The following STRN3 variants were observed in gnomAD, a reference collection of about 807,000 sequenced individuals.
STRN3 encodes striatin-3.
A neutral mutation model predicts 95.6 loss-of-function variants in STRN3; 29 were observed. The observed-to-expected ratio is 0.30, with a 90% CI of 0.23 to 0.41. The LOEUF is 0.41. STRN3 is among the 10% of genes least tolerant of loss of function. STRN3 has a pLI of 1.00. For synonymous variants in STRN3, 331 were observed against 357.6 expected (o/e 0.93, Z 0.84); for missense variants, 890 against 972.1 (o/e 0.92, Z 1.12).
intron 1 of STRN3, among the ~76,000 whole-genome samples, chr14:30,975,776 G>T (rs1419038571): frequency 1.4e-5 from 2 of 145,626 alleles, no homozygotes; most frequent in African/African-American, 5.1e-5. Flanking sequence ...AAGGCTACAA[G>T]TGAGCTATGA....
chr14:30,944,860 G>A (rs991163169), intron 5 of STRN3, among the ~76,000 whole-genome samples: 8 of 151,856 alleles, frequency 5.3e-5, no homozygotes, highest in Non-Finnish European at 1.0e-4. Flanking sequence ...TGATTCACTC[G>A]CCTCAGCTTT....
In STRN3 at chr14:30,895,386, T is replaced by C; in HGVS notation, c.*25A>G. The C allele has an allele frequency of 6.3e-7, 1 of 1,578,910 alleles. No homozygotes were observed. Among genetic ancestry groups the C allele is most frequent in the Non-Finnish European group, 8.6e-7 (1 of 1,161,576 alleles). On this transcript the variant is annotated 3_prime_UTR_variant, in exon 18 of 18. Transcript: ENST00000357479. ...ACCCTCTTTCTGTCCAAGCAAATCTTGTTACGATGCAAGTTTTTGTTGATT... is the reference window on the plus strand; with the variant it reads ...ACCCTCTTTCTGTCCAAGCAAATCTCGTTACGATGCAAGTTTTTGTTGATT...
At chr14:30,914,354 A>G (rs1896682004) in intron 9 of STRN3, among the ~76,000 whole-genome samples, 1 of 151,914 alleles carries the variant, frequency 6.6e-6, no homozygotes, top group Admixed American at 6.6e-5. Flanking sequence ...TTCCAGCTTT[A>G]TTTATTTATT....
intron 1 of STRN3, chr14:31,018,446 A>T: frequency 7.3e-6 from 3 of 411,144 alleles, no homozygotes; most frequent in Non-Finnish European, 1.4e-5. Flanking sequence ...CCTTGTTCCT[A>T]TGACACACCT....
intron 3 of STRN3, among the ~76,000 whole-genome samples, chr14:30,952,731 T>A (rs572868668): frequency 6.6e-6 from 1 of 152,182 alleles, no homozygotes; most frequent in African/African-American, 2.4e-5. Context: ...ACTTATTCTA[T>A]CCCAAACGTA....
At chr14:30,933,342 C>T (rs926198111) in intron 7 of STRN3, among the ~76,000 whole-genome samples, 1 of 135,642 alleles carries the variant, frequency 7.4e-6, no homozygotes, top group Admixed American at 7.7e-5. Context: ...GAAAAGTGTG[C>T]ATTACAAATC....
chr14:30,897,515 G>T (rs1896190566), intron 16 of STRN3, among the ~76,000 whole-genome samples: 2 of 152,170 alleles, frequency 1.3e-5, no homozygotes, highest in African/African-American at 4.8e-5. Context: ...AACCCGGGAG[G>T]TGGAGGCTGC....
intron 15 of STRN3, among the ~76,000 whole-genome samples, chr14:30,902,877 A>G (rs1158229393): frequency 6.6e-6 from 1 of 152,160 alleles, no homozygotes; most frequent in East Asian, 1.9e-4. Context: ...AAAACTGAGA[A>G]GTGTTTTAAT....
intron 1 of STRN3, among the ~76,000 whole-genome samples, chr14:31,006,776 G>T (rs892032993): frequency 3.3e-5 from 5 of 151,954 alleles, no homozygotes. Flanking sequence ...CAAACCTTTT[G>T]AAAGAGACAT....
chr14:30,938,144 T>TA (rs1348801749), intron 5 of STRN3, among the ~76,000 whole-genome samples: 8 of 150,138 alleles, frequency 5.3e-5, no homozygotes, highest in Non-Finnish European at 1.2e-4. Flanking sequence ...ATGTAGAACC[T>TA]ACAGATAGAA....
chr14:30,980,478 G>A (rs1048900961), intron 1 of STRN3, among the ~76,000 whole-genome samples: 1 of 151,634 alleles, frequency 6.6e-6, no homozygotes, highest in Non-Finnish European at 1.5e-5. Flanking sequence ...CACAATCTCA[G>A]CTCACTGCAA....
intron 1 of STRN3, among the ~76,000 whole-genome samples, chr14:30,983,491 G>A (rs1314692200): frequency 6.6e-6 from 1 of 152,228 alleles, no homozygotes; most frequent in African/African-American, 2.4e-5. Context: ...GTTGCAGTGA[G>A]CCGAGATCGT....
chr14:30,899,483 A>G (rs115731233), intron 16 of STRN3, among the ~76,000 whole-genome samples: 2,945 of 152,324 alleles, frequency 0.019, 89 homozygotes, highest in African/African-American at 0.067. Context: ...AGTGGTTCCT[A>G]CACATACAGC....
intron 1 of STRN3, among the ~76,000 whole-genome samples, chr14:31,015,322 A>C (rs1381176016): frequency 6.6e-6 from 1 of 151,442 alleles, no homozygotes; most frequent in Non-Finnish European, 1.5e-5. Context: ...CTTTATACAC[A>C]TAAGCACAAC....
rs139377989 is a variant in STRN3, at chr14:30,935,456, T to C, written c.847-152A>G. Reference sequence around the variant, plus strand: ...TATGTAATTCACAAATCCCAAATTATACTTCAGATAAATGGTTCAACAGTG... The same window carrying C: ...TATGTAATTCACAAATCCCAAATTACACTTCAGATAAATGGTTCAACAGTG... On this transcript the variant is annotated intron_variant, in intron 6 of 17. Coordinates refer to ENST00000357479, the MANE Select transcript of STRN3 (RefSeq NM_001083893.2). 2.3e-4 allele frequency: 186 copies of C among 801,940 alleles called. 2 individuals carry two copies. The East Asian group carries it at 5.0e-3, about 22-fold the overall frequency. 49.7% of individuals were successfully genotyped at this position (801,940 alleles called of 1,614,324 possible).
At chr14:30,954,234 A>C (rs1025628648) in intron 3 of STRN3, among the ~76,000 whole-genome samples, 1 of 151,984 alleles carries the variant, frequency 6.6e-6, no homozygotes, top group Non-Finnish European at 1.5e-5. Context: ...ATTCTATCTG[A>C]TTATCTGTTT....
At chr14:31,007,155 G>A (rs1882756008) in intron 1 of STRN3, among the ~76,000 whole-genome samples, 1 of 152,146 alleles carries the variant, frequency 6.6e-6, no homozygotes, top group Non-Finnish European at 1.5e-5. Context: ...GAAAGAGTAA[G>A]CCAAGAAAGG....
chr14:30,900,249 C>T (rs1206111059), intron 16 of STRN3, among the ~76,000 whole-genome samples: 1 of 151,224 alleles, frequency 6.6e-6, no homozygotes, highest in East Asian at 1.9e-4. Context: ...ATCCCAGCTA[C>T]TCAGGAGGGT....
At chr14:30,998,967 A>G (rs2139283612) in intron 1 of STRN3, among the ~76,000 whole-genome samples, 1 of 152,362 alleles carries the variant, frequency 6.6e-6, no homozygotes, top group African/African-American at 2.4e-5. Flanking sequence ...CAACAAAAAA[A>G]TAACTAGGCA....
Sources: gnomAD v4.1 joint callset for allele counts (sites outside exome capture counted in the v4.1 genomes callset) on GRCh38, gnomAD v4.1.1 for gene constraint, MANE v1.5 for transcripts, NCBI Gene and HGNC (gene_info 2026-07-23, HGNC 2026-07-21) for gene names.